VPS18: variants seen among roughly 807,000 people sequenced by gnomAD.
VPS18 encodes the protein vacuolar protein sorting-associated protein 18 homolog.
In VPS18, 25 loss-of-function variants were observed where a neutral mutation model predicts 82.0. The ratio of observed to expected loss-of-function variants is 0.30; its 90% CI spans 0.22 to 0.43. The LOEUF is 0.43. Among genes scored for constraint, VPS18 ranks in the 20% least tolerant of loss-of-function variants. VPS18 has a pLI of 1.00. For missense variants in VPS18, 1,168 were observed against 1,311.1 expected (o/e 0.89, Z 1.69); for synonymous variants, 523 against 543.0 (o/e 0.96, Z 0.51).
Position 40,899,590 on chromosome 15 carries a change from T to A in VPS18, c.772T>A (p.Phe258Ile), listed in dbSNP as rs1892303541. ...AGCTTACACGGACCACCCACCCCCA[T>A]TCCGTGAGTTTCCCAGCAACCTGGG... Reference protein sequence around the residue: ...FAAYTDHPPPFREFPSNLGYS... With the variant: ...FAAYTDHPPPIREFPSNLGYS... Residue 258 changes from phenylalanine to isoleucine, a missense_variant, in exon 4 of 5, where the codon TTC becomes ATC. Physicochemically the swap from Phe to Ile is conservative, Grantham distance 21 (BLOSUM62 0). Coordinates refer to ENST00000220509, the MANE Select transcript of VPS18 (RefSeq NM_020857.3). This position sits in a 1 kb window ranked among gnomAD's most constrained non-coding sequence, Gnocchi z 4.4. 1 of 1,608,682 alleles carries A rather than the reference T, an allele frequency of 6.2e-7. No homozygotes were observed. The highest frequency in any genetic ancestry group is 1.3e-5 in the African/African-American group (1 of 74,924).
chr15:40,900,589 G>T lies in VPS18; in HGVS notation c.1771G>T (p.Asp591Tyr). 6.2e-7 allele frequency: 1 copy of T among 1,613,920 alleles called. No homozygotes were observed. The highest frequency in any genetic ancestry group is 8.5e-7 in the Non-Finnish European group (1 of 1,180,032). The change falls in exon 4 of 5, where the codon GAC (aspartate) becomes TAC (tyrosine). Residue 591 changes from aspartate to tyrosine, a missense_variant. Coordinates refer to ENST00000220509, the MANE Select transcript of VPS18 (RefSeq NM_020857.3). This position sits in a 1 kb window ranked among gnomAD's most constrained non-coding sequence, Gnocchi z 5.4. ...EALAVLARHR[D>Y]PQLFYKFSPI... ...CCTGGCCGTGCTCGCCCGCCACCGT[G>T]ACCCCCAGCTCTTCTACAAGTTCTC...
chr15:40,899,315 A>G lies in VPS18; in HGVS notation c.497A>G (p.Gln166Arg). 6.2e-7 allele frequency: 1 copy of G among 1,614,196 alleles called. No homozygotes were observed. ...STGPILVGTA[Q>R]GHIFEAELSA... ...GGCCCCATCCTGGTCGGGACTGCCC[A>G]AGGCCACATCTTTGAAGCAGAGCTC... Residue 166 changes from glutamine to arginine, a missense_variant, in exon 4 of 5, where the codon CAA becomes CGA. Gln to Arg is a conservative substitution (Grantham distance 43). Around this residue, in one of 3 missense-constraint regions of VPS18, gnomAD observed 868 missense variants for 939.8 expected, o/e 0.92. Transcript: ENST00000220509. This position sits in a 1 kb window ranked among gnomAD's most constrained non-coding sequence, Gnocchi z 4.4.
rs372085234 is a variant in VPS18 at position 40,899,706 on chromosome 15, A to G, written c.888A>G (p.Ala296=). Residue 296 remains alanine, a synonymous_variant, in exon 4 of 5, where the codon GCA becomes GCG. Transcript: ENST00000220509. This position sits in a 1 kb window ranked among gnomAD's most constrained non-coding sequence, Gnocchi z 4.4. The stretch of plus-strand genomic sequence containing the variant: ...TGGGGGATGGTGTGTTGTATGGGGC[A>G]TTGGACTGTGGGCGCCCTGACTCTC... ...WMMGDGVLYG[A]LDCGRPDSLL... 1.2e-6 allele frequency: 2 copies of G among 1,613,964 alleles called. No individual in the cohort carries two copies. The highest frequency in any genetic ancestry group is 4.5e-5 in the East Asian group (2 of 44,882).
chr15:40,894,761 CGGG>C lies in VPS18; in HGVS notation c.-7_-5del. On this transcript the variant is annotated 5_prime_UTR_variant, in exon 1 of 5. Transcript: ENST00000220509. ...GGCCCCGGACAAAGAGCCCAGAGGC[CGGG>C]CACCATGGCGTCCATCCTGGATGAG... The C allele has an allele frequency of 6.5e-7, 1 of 1,546,252 alleles. No individual in the cohort carries two copies. Among genetic ancestry groups the C allele is most frequent in the Non-Finnish European group, 8.7e-7 (1 of 1,144,418 alleles).
At position 40,898,954 on chromosome 15, in the gene VPS18, G is replaced by C; in HGVS notation, c.281G>C (p.Arg94Pro). ...GAGCCCAACCACGTGGAGCTGGGAC[G>C]TAAGGATGACGCAAAAGTTCACAAG... ...ANEPNHVELG[R>P]KDDAKVHKMF... Residue 94 changes from arginine to proline, a missense_variant, in exon 3 of 5, where the codon CGT (arginine) becomes CCT (proline). Arg to Pro is a moderately radical substitution (Grantham distance 103). Coordinates refer to ENST00000220509, the MANE Select transcript of VPS18 (RefSeq NM_020857.3). 6.2e-7 allele frequency: 1 copy of C among 1,614,154 alleles called. No homozygotes were observed. The highest frequency in any genetic ancestry group is 1.1e-5 in the South Asian group (1 of 91,076).
chr15:40,901,404 T>G (rs1328777335), intron 4 of VPS18, among the ~76,000 whole-genome samples: 1 of 151,578 alleles, frequency 6.6e-6, no homozygotes, highest in Non-Finnish European at 1.5e-5. Context: ...CTGACCAACA[T>G]GGTGAAACCC....
chr15:40,899,866 A>T lies in VPS18; in HGVS notation c.1048A>T (p.Thr350Ser). The change falls in exon 4 of 5, where the codon ACC becomes TCC. Residue 350 changes from threonine (T) to serine (S), a missense_variant. Coordinates refer to ENST00000220509, the MANE Select transcript of VPS18 (RefSeq NM_020857.3). The surrounding 1 kb of genome is among the most constrained non-coding windows in gnomAD (Gnocchi z 4.4). Reference protein sequence around the residue: ...ADRVEAVCTLTGQVVLRDHFL... With the variant: ...ADRVEAVCTLSGQVVLRDHFL... Reference sequence around the variant, plus strand: ...CCGGGTGGAGGCAGTGTGCACACTGACCGGGCAGGTGGTGCTGCGGGATCA... The same window carrying T: ...CCGGGTGGAGGCAGTGTGCACACTGTCCGGGCAGGTGGTGCTGCGGGATCA... 1 of 1,608,720 alleles carries T rather than the reference A, an allele frequency of 6.2e-7. No homozygotes were observed. Among genetic ancestry groups the T allele is most frequent in the Non-Finnish European group, 8.5e-7 (1 of 1,179,976 alleles).
rs766827048 is a variant in VPS18, at chr15:40,900,568, G to T, written c.1750G>T (p.Ala584Ser). 6.8e-6 allele frequency: 11 copies of T among 1,613,766 alleles called. No individual in the cohort carries two copies. The highest frequency in any genetic ancestry group is 9.3e-6 in the Non-Finnish European group (11 of 1,180,038). ...GCACGAGGCCTACGAGGAGGCCCTG[G>T]CCGTGCTCGCCCGCCACCGTGACCC... Reference protein sequence around the residue: ...CQHEAYEEALAVLARHRDPQL... With the variant: ...CQHEAYEEALSVLARHRDPQL... Residue 584 changes from alanine (A) to serine (S), a missense_variant, in exon 4 of 5, where the codon GCC becomes TCC. Coordinates refer to ENST00000220509, the MANE Select transcript of VPS18 (RefSeq NM_020857.3). This position sits in a 1 kb window ranked among gnomAD's most constrained non-coding sequence, Gnocchi z 5.4.
At chr15:40,898,780 G>A in intron 2 of VPS18, 127 bp from the exon 3 acceptor site, 1 of 1,045,220 alleles carries the variant, frequency 9.6e-7, no homozygotes, top group Admixed American at 2.1e-5. Context: ...CCTGTATTCA[G>A]CATTTTATGC....
Position 40,896,087 on chromosome 15 carries a change from A to G in VPS18, c.233+8A>G, listed in dbSNP as rs754194065. The G allele has an allele frequency of 1.9e-6, 3 of 1,614,018 alleles. No individual in the cohort carries two copies. Among genetic ancestry groups the G allele is most frequent in the South Asian group, 2.2e-5 (2 of 91,088 alleles). On this transcript the variant is annotated splice_region_variant and intron_variant, in intron 2 of 4. Transcript: ENST00000220509. ...CAAGGATACACTGCTCCGGTAATCA[A>G]GAGCTCACAGAGCTTAGGAGTAGGG... is the stretch of plus-strand genomic sequence containing the variant.
At position 40,899,055 on chromosome 15, in the gene VPS18, G is replaced by A. The variant is rs1892288973; in HGVS notation, c.325+57G>A. On this transcript the variant is annotated intron_variant, in intron 3 of 4. Transcript: ENST00000220509. This position sits in a 1 kb window ranked among gnomAD's most constrained non-coding sequence, Gnocchi z 4.4. ...CTCTGGTCAGTCACTGCCTGGGTGG[G>A]TGGGCTCTGAGGGTGGTGTGGGGGC... 6.2e-7 allele frequency: 1 copy of A among 1,604,580 alleles called. No homozygotes were observed.
In VPS18 at chr15:40,900,615, A is replaced by G; in HGVS notation, c.1797A>G (p.Ser599=). 6.2e-7 allele frequency: 1 copy of G among 1,613,624 alleles called. No individual in the cohort carries two copies. The highest frequency in any genetic ancestry group is 8.5e-7 in the Non-Finnish European group (1 of 1,179,920). ...HRDPQLFYKF[S]PILIRHIPRQ... ...ACCCCCAGCTCTTCTACAAGTTCTC[A>G]CCCATCCTCATCCGTCACATCCCCC... Residue 599 remains serine (S), a synonymous_variant, in exon 4 of 5, where the codon TCA becomes TCG. Coordinates refer to ENST00000220509, the MANE Select transcript of VPS18 (RefSeq NM_020857.3). This position sits in a 1 kb window ranked among gnomAD's most constrained non-coding sequence, Gnocchi z 5.4.
Position 40,901,022 on chromosome 15 carries a change from A to G in VPS18, c.2196+8A>G. ...GTGGACCTGGCCCTGCAGGTAAGCCAGTACGTCTTGACCCCAGCTGGGAGA... is the reference window on the plus strand; with the variant it reads ...GTGGACCTGGCCCTGCAGGTAAGCCGGTACGTCTTGACCCCAGCTGGGAGA... On this transcript the variant is annotated splice_region_variant and intron_variant, in intron 4 of 4. Coordinates refer to ENST00000220509, the MANE Select transcript of VPS18 (RefSeq NM_020857.3). 2 of 1,593,518 alleles carry G rather than the reference A, an allele frequency of 1.3e-6. No homozygotes were observed. The highest frequency in any genetic ancestry group is 2.2e-5 in the South Asian group (2 of 90,702).
chr15:40,903,484 G>C lies in VPS18; in HGVS notation c.*143G>C. On this transcript the variant is annotated 3_prime_UTR_variant, in exon 5 of 5. Coordinates refer to ENST00000220509, the MANE Select transcript of VPS18 (RefSeq NM_020857.3). ...TGACGGGAGTAGAGTAGCGCTGTTG[G>C]CCAGGAGGTGTCAGGTGTGAGTGTA... 1.7e-6 allele frequency: 2 copies of C among 1,177,726 alleles called. No homozygotes were observed. The highest frequency in any genetic ancestry group is 2.3e-6 in the Non-Finnish European group (2 of 882,162). The allele number at this position is 1,177,726 out of a possible 1,614,324, so 73.0% of individuals were successfully genotyped here.
Position 40,899,633 on chromosome 15 carries a change from T to C in VPS18, c.815T>C (p.Phe272Ser), listed in dbSNP as rs1892304611. The C allele has an allele frequency of 6.2e-7, 1 of 1,612,242 alleles. No homozygotes were observed. Among genetic ancestry groups the C allele is most frequent in the Non-Finnish European group, 8.5e-7 (1 of 1,180,028 alleles). Residue 272 changes from phenylalanine to serine, a missense_variant, in exon 4 of 5, where the codon TTC becomes TCC. This residue lies in a region of VPS18 where 868 missense variants were observed against 939.8 expected (regional missense o/e 0.92). Coordinates refer to ENST00000220509, the MANE Select transcript of VPS18 (RefSeq NM_020857.3). This position sits in a 1 kb window ranked among gnomAD's most constrained non-coding sequence, Gnocchi z 4.4. The part of the protein sequence containing the change: ...PSNLGYSELA[F>S]YTPKLRSAPR... ...AACCTGGGCTACAGTGAGTTGGCCT[T>C]CTACACCCCCAAGCTGCGCTCCGCA...
At position 40,902,957 on chromosome 15, in the gene VPS18, T is replaced by C. The variant is rs747759132; in HGVS notation, c.2538T>C (p.Thr846=). The C allele has an allele frequency of 3.1e-6, 5 of 1,614,146 alleles. No homozygotes were observed. In the African/African-American group the frequency reaches 5.3e-5, roughly 17 times the overall value. ...DLQELRGRYG[T]VEPQDKCATC... Reference sequence around the variant, plus strand: ...AGGAGCTGCGGGGCCGCTACGGCACTGTGGAGCCCCAGGACAAATGTGCCA... The same window carrying C: ...AGGAGCTGCGGGGCCGCTACGGCACCGTGGAGCCCCAGGACAAATGTGCCA... Residue 846 remains threonine (T), a synonymous_variant, in exon 5 of 5, where the codon ACT becomes ACC. Coordinates refer to ENST00000220509, the MANE Select transcript of VPS18 (RefSeq NM_020857.3). The surrounding 1 kb of genome is among the most constrained non-coding windows in gnomAD (Gnocchi z 4.2).
Position 40,900,018 on chromosome 15 carries a change from C to T in VPS18, c.1200C>T (p.Arg400=), listed in dbSNP as rs1008815777. ...AACGGGAGGCCCGAGATGTCTGGCGCACCTATCTGGACATGAACCGCTTCG... is the reference window on the plus strand; with the variant it reads ...AACGGGAGGCCCGAGATGTCTGGCGTACCTATCTGGACATGAACCGCTTCG... ...HVQREARDVW[R]TYLDMNRFDL... is the part of the protein sequence containing the mutation. Residue 400 remains arginine, a synonymous_variant, in exon 4 of 5, where the codon CGC becomes CGT. Transcript: ENST00000220509. This position sits in a 1 kb window ranked among gnomAD's most constrained non-coding sequence, Gnocchi z 5.4. 1.2e-6 allele frequency: 2 copies of T among 1,614,026 alleles called. No individual in the cohort carries two copies. Among genetic ancestry groups the T allele is most frequent in the Non-Finnish European group, 1.7e-6 (2 of 1,180,024 alleles).
At position 40,900,754 on chromosome 15, in the gene VPS18, A is replaced by G; in HGVS notation, c.1936A>G (p.Ile646Val). ...TGAGGTCCAGCAGGTGAGCCAGGCC[A>G]TCCGCTACATGGAGTTCTGCGTGAA... is the stretch of plus-strand genomic sequence containing the variant. ...GGEVQQVSQAIRYMEFCVNVL... is the reference protein window; with the variant it reads ...GGEVQQVSQAVRYMEFCVNVL... Residue 646 changes from isoleucine to valine, a missense_variant, in exon 4 of 5, where the codon ATC becomes GTC. Ile to Val is a conservative substitution (Grantham distance 29). Coordinates refer to ENST00000220509, the MANE Select transcript of VPS18 (RefSeq NM_020857.3). This position sits in a 1 kb window ranked among gnomAD's most constrained non-coding sequence, Gnocchi z 5.4. 2.5e-6 allele frequency: 4 copies of G among 1,614,178 alleles called. No homozygotes were observed. The highest frequency in any genetic ancestry group is 3.4e-6 in the Non-Finnish European group (4 of 1,180,038).
rs694213 is a variant in VPS18, at chr15:40,896,089, A to G, written c.233+10A>G. ...AGGATACACTGCTCCGGTAATCAAG[A>G]GCTCACAGAGCTTAGGAGTAGGGAC... On this transcript the variant is annotated intron_variant, in intron 2 of 4. Transcript: ENST00000220509. The G allele has an allele frequency of 0.035, 55,799 of 1,614,086 alleles. 2,771 individuals carry two copies. The highest frequency in any genetic ancestry group is 0.21 in the African/African-American group (15,582 of 74,982).
Sources: gnomAD v4.1 joint callset for allele counts (sites outside exome capture counted in the v4.1 genomes callset) on GRCh38, gnomAD v4.1.1 for gene constraint, gnomAD v4.1.1 regional missense constraint, Gnocchi (gnomAD v3.1) non-coding constraint, MANE v1.5 for transcripts, NCBI Gene and HGNC (gene_info 2026-07-23, HGNC 2026-07-21) for gene names.